Variants in NELL2 observed in about 807,000 individuals in gnomAD.
NELL2 encodes the protein protein kinase C-binding protein NELL2.
A neutral mutation model predicts 109.6 loss-of-function variants in NELL2; 41 were observed. The observed-to-expected ratio is 0.37, with a 90% CI of 0.29 to 0.49. NELL2 has a LOEUF of 0.49. NELL2 is among the 20% of genes least tolerant of loss of function. The probability of loss-of-function intolerance (pLI) is 0.98; values close to 1 mark genes in which losing one functional copy is unlikely to be tolerated. For synonymous variants in NELL2, 355 were observed against 344.7 expected (o/e 1.03, Z -0.33); for missense variants, 900 against 1,008.3 (o/e 0.89, Z 1.45).
intron 3 of NELL2, among the ~76,000 whole-genome samples, chr12:44,780,455 C>A (rs759107181): frequency 6.6e-6 from 1 of 151,844 alleles, no homozygotes; most frequent in Non-Finnish European, 1.5e-5. Flanking sequence ...CCAAACCATG[C>A]CAAACAAAAG....
At chr12:44,797,037 A>G (rs1310989009) in intron 3 of NELL2, among the ~76,000 whole-genome samples, 1 of 152,170 alleles carries the variant, frequency 6.6e-6, no homozygotes, top group African/African-American at 2.4e-5. Flanking sequence ...GATTTTCAAA[A>G]GGTCCTATGT....
In NELL2 at chr12:44,520,189, A is replaced by T. The variant is rs376474050; in HGVS notation, c.2216T>A (p.Val739Glu). 1 of 1,613,450 alleles carries T rather than the reference A, an allele frequency of 6.2e-7. No individual in the cohort carries two copies. Among genetic ancestry groups the T allele is most frequent in the Non-Finnish European group, 8.5e-7 (1 of 1,179,858 alleles). ...TGGGAGAATGCTGAATTCACACTCC[A>T]CATCTGGGCAAGGCAGGGGCCAACA... is the stretch of plus-strand genomic sequence containing the variant. ...VDCWPLPCPD[V>E]ECEFSILPEN... The change falls in exon 19 of 20, where the codon GTG becomes GAG. Residue 739 changes from valine (V) to glutamate (E), a missense_variant. Val to Glu is a moderately radical substitution (Grantham distance 121, BLOSUM62 -2). Coordinates refer to ENST00000429094, the MANE Select transcript of NELL2 (RefSeq NM_001145108.2).
At chr12:44,821,570 T>C (rs1943543780) in intron 2 of NELL2, among the ~76,000 whole-genome samples, 1 of 152,242 alleles carries the variant, frequency 6.6e-6, no homozygotes, top group East Asian at 1.9e-4. Context: ...TATATTTTCA[T>C]CTCAAGGATT....
intron 2 of NELL2, among the ~76,000 whole-genome samples, chr12:44,822,453 T>A (rs1943577486): frequency 1.3e-5 from 2 of 152,150 alleles, no homozygotes; most frequent in South Asian, 4.1e-4. Flanking sequence ...TAACATACAA[T>A]CCTGCCTACC....
intron 7 of NELL2, 96 bp downstream of exon 7, chr12:44,776,946 A>G (rs1037441014): frequency 1.9e-6 from 2 of 1,034,162 alleles, no homozygotes; most frequent in Admixed American, 3.6e-5. Context: ...TAGTATAAGA[A>G]GAGCCTCGAA....
At chr12:44,809,525 A>G (rs1311912797) in intron 3 of NELL2, among the ~76,000 whole-genome samples, 1 of 152,034 alleles carries the variant, frequency 6.6e-6, no homozygotes, top group Non-Finnish European at 1.5e-5. Flanking sequence ...TACTGAAATG[A>G]CTGAAGAGCC....
intron 9 of NELL2, among the ~76,000 whole-genome samples, chr12:44,768,390 T>C (rs1338762664): frequency 1.3e-5 from 2 of 152,150 alleles, no homozygotes; most frequent in African/African-American, 4.8e-5. Context: ...ATGAAATCTC[T>C]CTTTAAAAAT....
chr12:44,776,117 C>T lies in NELL2; in HGVS notation c.796G>A (p.Asp266Asn). The change falls in exon 8 of 20, where the codon GAT becomes AAT. Residue 266 changes from aspartate (D) to asparagine (N), a missense_variant. Physicochemically the swap from Asp to Asn is conservative, Grantham distance 23 (BLOSUM62 1). This residue lies in a region of NELL2 where 292 missense variants were observed against 265.3 expected (regional missense o/e 1.10). Coordinates refer to ENST00000429094, the MANE Select transcript of NELL2 (RefSeq NM_001145108.2). ...SRAEQRMNRLDQCYCERTCTM... is the reference protein window; with the variant it reads ...SRAEQRMNRLNQCYCERTCTM... ...CAAGTCCTTTCACAATAGCACTGATCCAATCTATTCATTCGCTGTTCAGCT... is the reference window on the plus strand; with the variant it reads ...CAAGTCCTTTCACAATAGCACTGATTCAATCTATTCATTCGCTGTTCAGCT... 6.2e-7 allele frequency: 1 copy of T among 1,613,974 alleles called. No individual in the cohort carries two copies. Among genetic ancestry groups the T allele is most frequent in the Non-Finnish European group, 8.5e-7 (1 of 1,179,928 alleles).
chr12:44,530,479 T>C (rs1310707942), intron 16 of NELL2, among the ~76,000 whole-genome samples: 5 of 152,214 alleles, frequency 3.3e-5, no homozygotes, highest in East Asian at 1.9e-4. Flanking sequence ...GCTTCTGAGA[T>C]GGCCCCAGTG....
chr12:44,821,723 A>G (rs947869081), intron 2 of NELL2, among the ~76,000 whole-genome samples: 1 of 151,108 alleles, frequency 6.6e-6, no homozygotes, highest in African/African-American at 2.4e-5. Flanking sequence ...TTTCAGAATT[A>G]ATTTTTTTTT....
At chr12:44,801,339 G>A (rs1942822746) in intron 3 of NELL2, among the ~76,000 whole-genome samples, 1 of 152,052 alleles carries the variant, frequency 6.6e-6, no homozygotes, top group South Asian at 2.1e-4. Flanking sequence ...AGTTTTTACT[G>A]TTAGTATAAA....
chr12:44,571,915 T>C (rs1943884693), intron 15 of NELL2, among the ~76,000 whole-genome samples: 1 of 152,054 alleles, frequency 6.6e-6, no homozygotes, highest in South Asian at 2.1e-4. Context: ...TCAGGGTATG[T>C]AGATTACAGC....
At chr12:44,523,169 T>G in intron 17 of NELL2, 122 bp downstream of exon 17, 1 of 950,436 alleles carries the variant, frequency 1.1e-6, no homozygotes, top group Non-Finnish European at 1.6e-6. Context: ...TCTGTTATAT[T>G]AATTGTGATG....
intron 2 of NELL2, among the ~76,000 whole-genome samples, chr12:44,856,745 G>T (rs2658968): frequency 5.3e-5 from 8 of 152,156 alleles, no homozygotes; most frequent in Middle Eastern, 3.2e-3. Flanking sequence ...GGAGTGTGCA[G>T]GTAAGACTTT....
chr12:44,643,691 G>A (rs570575243), intron 13 of NELL2, among the ~76,000 whole-genome samples: 22 of 152,210 alleles, frequency 1.4e-4, no homozygotes, highest in Middle Eastern at 3.4e-3. Flanking sequence ...AGGGTTCCAC[G>A]TAGATGCAGT....
At chr12:44,890,429 T>G (rs1945520514) in intron 1 of NELL2, among the ~76,000 whole-genome samples, 1 of 152,218 alleles carries the variant, frequency 6.6e-6, no homozygotes, top group Admixed American at 6.5e-5. Context: ...TTGTTCAAAA[T>G]CACGCAACTA....
At chr12:44,871,338 A>T (rs1322082647) in intron 2 of NELL2, among the ~76,000 whole-genome samples, 1 of 152,184 alleles carries the variant, frequency 6.6e-6, no homozygotes, top group Non-Finnish European at 1.5e-5. Context: ...TTAAGACACT[A>T]TGAAATCAAA....
intron 9 of NELL2, among the ~76,000 whole-genome samples, chr12:44,769,880 T>A (rs2136570905): frequency 6.6e-6 from 1 of 152,152 alleles, no homozygotes; most frequent in African/African-American, 2.4e-5. Flanking sequence ...CTCACAAAGG[T>A]GATTCTGAGT....
chr12:44,702,024 C>G (rs1259705374), intron 12 of NELL2, among the ~76,000 whole-genome samples: 1 of 152,082 alleles, frequency 6.6e-6, no homozygotes, highest in African/African-American at 2.4e-5. Context: ...CACTTAGAGC[C>G]TTTCCACTTT....
Sources: allele counts gnomAD v4.1 joint callset (sites outside exome capture counted in the v4.1 genomes callset), GRCh38; gene constraint gnomAD v4.1.1; regional missense constraint gnomAD v4.1.1; transcripts MANE v1.5; gene names NCBI Gene and HGNC (gene_info 2026-07-23, HGNC 2026-07-21).